TSEN34: variants seen among roughly 807,000 people sequenced by gnomAD.
TSEN34 encodes tRNA-splicing endonuclease subunit Sen34.
A neutral mutation model predicts 30.2 loss-of-function variants in TSEN34; 25 were observed. That is an observed-to-expected ratio of 0.83 (90% CI 0.60 to 1.16). The LOEUF is 1.16. TSEN34 is among the 50% of genes most tolerant of loss of function. The pLI is 0.00. For synonymous variants in TSEN34, 209 were observed against 177.4 expected, an observed-to-expected ratio of 1.18 and a Z score of -1.41; for missense variants, 475 against 411.9, an observed-to-expected ratio of 1.15 and a Z score of -1.33.
chr19:54,189,831 C>G (rs39714), upstream of TSEN34: 35,509 of 162,778 alleles, frequency 0.22, 4,268 homozygotes, highest in East Asian at 0.51. Flanking sequence ...GCTGAGGCCA[C>G]TGTGGGCGGA....
chr19:54,193,410 C>T lies in TSEN34; in HGVS notation c.*48C>T. The T allele has an allele frequency of 1.9e-6, 3 of 1,611,534 alleles. No homozygotes were observed. Among genetic ancestry groups the T allele is most frequent in the South Asian group, 1.1e-5 (1 of 90,700 alleles). ...GGCTGTGTCGGCAGCAAGAGCCTTT[C>T]TGGATGTTCCCCAGCTCTTCTCTGG... On this transcript the variant is annotated 3_prime_UTR_variant, in exon 4 of 4. Coordinates refer to ENST00000396388, the MANE Select transcript of TSEN34 (RefSeq NM_001077446.4).
rs2076730610 is a variant in TSEN34, at chr19:54,192,125, C to T, written c.497C>T (p.Ser166Phe). The T allele has an allele frequency of 2.5e-6, 4 of 1,614,244 alleles. No individual in the cohort carries two copies. The highest frequency in any genetic ancestry group is 1.6e-4 in the Middle Eastern group (1 of 6,062). ...CTGTACTCCCCACCAGGCCCCTCGTCTTCCCAAGCAGGACCCTCAAATGGG... is the reference window on the plus strand; with the variant it reads ...CTGTACTCCCCACCAGGCCCCTCGTTTTCCCAAGCAGGACCCTCAAATGGG... ...SGEQEEAGPS[S>F]SQAGPSNGVA... The change falls in exon 3 of 4, where the codon TCT becomes TTT. Residue 166 changes from serine (S) to phenylalanine (F), a missense_variant. Transcript: ENST00000396388.
upstream of TSEN34, chr19:54,190,784 A>G (rs1055222309): frequency 1.8e-6 from 2 of 1,122,744 alleles, no homozygotes; most frequent in East Asian, 5.0e-5. Context: ...AGGGTTTTGT[A>G]CTGTGGGAGT....
At chr19:54,191,059 CAG>C, upstream of TSEN34, 1 of 1,266,906 alleles carries the variant, frequency 7.9e-7, no homozygotes. Flanking sequence ...AGTGCGGGCA[CAG>C]AGCGGGTGCC....
In TSEN34 at chr19:54,193,204, A is replaced by G. The variant is rs568808393; in HGVS notation, c.775A>G (p.Ile259Val). Residue 259 changes from isoleucine to valine, a missense_variant, in exon 4 of 4, where the codon ATC becomes GTC. Transcript: ENST00000396388. ...GDPLRFHAHY[I>V]AQCWAPEDTI... ...CCCCCTCCGCTTCCACGCCCATTAT[A>G]TCGCTCAGTGCTGGGCCCCTGAGGA... 1 of 1,613,856 alleles carries G rather than the reference A, an allele frequency of 6.2e-7. No homozygotes were observed. Among genetic ancestry groups the G allele is most frequent in the East Asian group, 2.2e-5 (1 of 44,868 alleles).
At chr19:54,190,286 T>C, upstream of TSEN34, 1 of 1,318,882 alleles carries the variant, frequency 7.6e-7, no homozygotes, top group Non-Finnish European at 1.1e-6. Context: ...TTGACGAGGG[T>C]GTCGGCATGA....
rs2076823813 is a variant in TSEN34, at chr19:54,194,483, A to G, written c.*1121A>G. On this transcript the variant is annotated 3_prime_UTR_variant, in exon 4 of 4. Coordinates refer to ENST00000396388, the MANE Select transcript of TSEN34 (RefSeq NM_001077446.4). ...ATTTACCCATGTTTTTGCTTAAGAA[A>G]GTACTAGAACACTACCACTATTCCA... 2 of 152,218 alleles carry G rather than the reference A, an allele frequency of 1.3e-5. No homozygotes were observed. The allele number at this position is 152,218 out of a possible 1,614,324, so 9.4% of individuals were successfully genotyped here.
At chr19:54,190,428 C>G (rs1204422582), upstream of TSEN34, 2 of 1,443,026 alleles carry the variant, frequency 1.4e-6, no homozygotes, top group Non-Finnish European at 1.8e-6. Flanking sequence ...GGCAAGGAGG[C>G]GGACTGAGCG....
upstream of TSEN34, chr19:54,190,418 G>A: frequency 6.9e-7 from 1 of 1,457,546 alleles, no homozygotes; most frequent in Non-Finnish European, 9.1e-7. Flanking sequence ...TCTGAAGGGA[G>A]GCAAGGAGGC....
upstream of TSEN34, chr19:54,190,344 A>C (rs1034366670): frequency 3.3e-6 from 5 of 1,528,092 alleles, no homozygotes; most frequent in South Asian, 1.2e-5. Flanking sequence ...GGGTGGCTCC[A>C]CCTCGACTGC....
rs770771466 is a variant in TSEN34 at position 54,191,928 on chromosome 19, A to G, written c.451A>G (p.Ser151Gly). The change falls in exon 2 of 4, where the codon AGT (serine) becomes GGT (glycine). Residue 151 changes from serine (S) to glycine (G), a missense_variant. By Grantham distance (56) the Ser-to-Gly change is moderately conservative (BLOSUM62 0). Transcript: ENST00000396388. ...SSQAAKEDET[S>G]DGQASGEQEE... is the part of the protein sequence containing the mutation. The stretch of plus-strand genomic sequence containing the variant: ...CCAGGCTGCCAAAGAGGATGAGACC[A>G]GTGATGGCCAGGCTTCGGGAGAGCA... The G allele has an allele frequency of 5.5e-5, 88 of 1,614,000 alleles. No individual in the cohort carries two copies. In the South Asian group the frequency reaches 9.0e-4, roughly 17 times the overall value.
upstream of TSEN34, chr19:54,191,237 C>A: frequency 6.9e-7 from 1 of 1,450,474 alleles, no homozygotes. Context: ...GGCGGCTGAG[C>A]GAGGCCCCGC....
At chr19:54,189,626 G>A (rs1311340546), upstream of TSEN34, 2 of 153,002 alleles carry the variant, frequency 1.3e-5, no homozygotes, top group African/African-American at 4.8e-5. Flanking sequence ...TTCGGGCTCG[G>A]AACAAGGAGG....
upstream of TSEN34, chr19:54,190,304 G>C (rs1356727665): frequency 2.1e-6 from 3 of 1,454,246 alleles, no homozygotes; most frequent in Non-Finnish European, 2.8e-6. Flanking sequence ...TGAGGGGGTG[G>C]AGCAAGGAGC....
chr19:54,190,951 C>G, upstream of TSEN34: 1 of 1,063,800 alleles, frequency 9.4e-7, no homozygotes, highest in Non-Finnish European at 1.1e-6. Flanking sequence ...GCCCACTTTG[C>G]AAGAGGGTGG....
chr19:54,193,311 G>T lies in TSEN34; in HGVS notation c.882G>T (p.Gln294His). The T allele has an allele frequency of 1.9e-6, 3 of 1,614,178 alleles. No homozygotes were observed. The highest frequency in any genetic ancestry group is 2.7e-5 in the African/African-American group (2 of 75,030). Residue 294 changes from glutamine to histidine, a missense_variant, in exon 4 of 4, where the codon CAG becomes CAT. By Grantham distance (24) the Gln-to-His change is conservative. Transcript: ENST00000396388. ...VRKTLLLCSPQPDGKVVYTSL... is the reference protein window; with the variant it reads ...VRKTLLLCSPHPDGKVVYTSL... Reference sequence around the variant, plus strand: ...AGACCCTGCTCCTCTGTTCTCCGCAGCCTGATGGTAAGGTGGTCTACACCT... The same window carrying T: ...AGACCCTGCTCCTCTGTTCTCCGCATCCTGATGGTAAGGTGGTCTACACCT...
At position 54,191,411 on chromosome 19, in the gene TSEN34, C is replaced by G; in HGVS notation, c.47C>G (p.Ala16Gly). The change falls in exon 1 of 4, where the codon GCC becomes GGC. Residue 16 changes from alanine to glycine, a missense_variant. Coordinates refer to ENST00000396388, the MANE Select transcript of TSEN34 (RefSeq NM_001077446.4). ...VANGRSLVWG[A>G]EAVQALRERL... ...AACGGCCGCTCCCTGGTGTGGGGAG[C>G]CGAGGCGGTGCAGGCCCTCCGGGAG... 6.5e-7 allele frequency: 1 copy of G among 1,549,034 alleles called. No individual in the cohort carries two copies. The highest frequency in any genetic ancestry group is 2.4e-5 in the East Asian group (1 of 40,912).
At chr19:54,191,207 G>T, upstream of TSEN34, 1 of 1,391,712 alleles carries the variant, frequency 7.2e-7, no homozygotes, top group Non-Finnish European at 9.3e-7. Flanking sequence ...CCTGGCGCTC[G>T]GGCCCAGCAG....
chr19:54,191,772 G>A lies in TSEN34; in HGVS notation c.295G>A (p.Ala99Thr). 1 of 1,614,186 alleles carries A rather than the reference G, an allele frequency of 6.2e-7. No homozygotes were observed. Among genetic ancestry groups the A allele is most frequent in the Non-Finnish European group, 8.5e-7 (1 of 1,180,034 alleles). ...QQEESFQEQS[A>T]LAAEARETRR... ...AGAGGAGAGCTTCCAGGAGCAGAGC[G>A]CCTTGGCAGCTGAGGCCCGGGAGAC... Residue 99 changes from alanine to threonine, a missense_variant, in exon 2 of 4, where the codon GCC becomes ACC. Physicochemically the swap from Ala to Thr is moderately conservative, Grantham distance 58. Coordinates refer to ENST00000396388, the MANE Select transcript of TSEN34 (RefSeq NM_001077446.4).
Sources: allele counts gnomAD v4.1 joint callset, GRCh38; gene constraint gnomAD v4.1.1; transcripts MANE v1.5; gene names NCBI Gene and HGNC (gene_info 2026-07-23, HGNC 2026-07-21).